The following CAST variants were observed in gnomAD, a reference collection of about 807,000 sequenced individuals.
The protein encoded by CAST is MIR583 host.
In CAST, 76 loss-of-function variants were observed where a neutral mutation model predicts 119.6. The ratio of observed to expected loss-of-function variants is 0.64; its 90% CI spans 0.53 to 0.77. The LOEUF (loss-of-function observed/expected upper bound fraction) is 0.77. CAST is among the 30% of genes least tolerant of loss of function. The pLI is 0.00. For missense variants in CAST, 953 were observed against 946.5 expected, an observed-to-expected ratio of 1.01 and a Z score of -0.09; for synonymous variants, 319 against 331.6, an observed-to-expected ratio of 0.96 and a Z score of 0.41.
the CAST span, among the ~76,000 whole-genome samples, chr5:96,097,288 C>T: frequency 6.7e-6 from 1 of 150,272 alleles, no homozygotes; most frequent in Admixed American, 6.6e-5. Flanking sequence ...GAGCCACACC[C>T]AGTTCTTAAT....
chr5:96,341,291 G>T, the CAST span, among the ~76,000 whole-genome samples: 2 of 151,824 alleles, frequency 1.3e-5, no homozygotes. Context: ...TAGAAATCTT[G>T]ATCACAATCT....
chr5:96,108,797 G>C, the CAST span, among the ~76,000 whole-genome samples: 1 of 152,246 alleles, frequency 6.6e-6, no homozygotes, highest in Admixed American at 6.5e-5. Flanking sequence ...GCAAGCCTGG[G>C]CAATGGCAGG....
intron 2 of CAST, among the ~76,000 whole-genome samples, chr5:96,688,818 A>G (rs1384650990): frequency 6.6e-6 from 1 of 152,324 alleles, no homozygotes; most frequent in East Asian, 1.9e-4. Context: ...CATAGATAAT[A>G]AAAGAGTAAG....
the CAST span, among the ~76,000 whole-genome samples, chr5:96,197,676 T>G: frequency 6.6e-6 from 1 of 152,210 alleles, no homozygotes; most frequent in Non-Finnish European, 1.5e-5. Flanking sequence ...AACTGAGGCA[T>G]GTCCTATTGC....
chr5:96,491,739 C>A, the CAST span, among the ~76,000 whole-genome samples: 1 of 151,860 alleles, frequency 6.6e-6, no homozygotes, highest in African/African-American at 2.4e-5. Context: ...GTAATAACCC[C>A]AAATTAAAAA....
the CAST span, among the ~76,000 whole-genome samples, chr5:96,035,835 G>A: frequency 2.2e-4 from 33 of 151,834 alleles, no homozygotes; most frequent in East Asian, 3.3e-3. Flanking sequence ...AATTCATTCC[G>A]TGTAACTAGT....
the CAST span, among the ~76,000 whole-genome samples, chr5:96,469,581 AC>A: frequency 6.6e-6 from 1 of 151,976 alleles, no homozygotes; most frequent in African/African-American, 2.4e-5. Flanking sequence ...TCAATTACAA[AC>A]TGACATGAGA....
chr5:96,713,474 T>C (rs1247843993), intron 3 of CAST, among the ~76,000 whole-genome samples: 3 of 152,040 alleles, frequency 2.0e-5, no homozygotes, highest in Non-Finnish European at 4.4e-5. Flanking sequence ...TCAATAACCA[T>C]ATATGCTTTA....
At chr5:96,172,316 C>A in the CAST span, among the ~76,000 whole-genome samples, 1 of 152,156 alleles carries the variant, frequency 6.6e-6, no homozygotes, top group Non-Finnish European at 1.5e-5. Flanking sequence ...CAGGAACAGG[C>A]CATTTTCACT....
chr5:96,594,002 T>C (rs1346111321), intron 1 of CAST, among the ~76,000 whole-genome samples: 1 of 152,236 alleles, frequency 6.6e-6, no homozygotes. Context: ...ATGCCAAAGA[T>C]CACAGAATTC....
chr5:96,731,007 TAGAG>T (rs1364377443), intron 9 of CAST, 147 bp downstream of exon 9: 3 of 637,728 alleles, frequency 4.7e-6, no homozygotes, highest in Non-Finnish European at 5.6e-6. Flanking sequence ...ATTTAAGGGA[TAGAG>T]AGTGAACAAG....
At chr5:96,601,862 C>A (rs1031722361) in intron 1 of CAST, among the ~76,000 whole-genome samples, 9 of 152,238 alleles carry the variant, frequency 5.9e-5, no homozygotes, top group Non-Finnish European at 1.3e-4. Flanking sequence ...TGATAAGCAC[C>A]GTAATGCTAA....
chr5:96,414,924 C>G, the CAST span, among the ~76,000 whole-genome samples: 1 of 151,982 alleles, frequency 6.6e-6, no homozygotes. Context: ...TTACATGTCA[C>G]GATGTATATT....
At chr5:96,560,526 C>T (rs957598582) in intron 1 of CAST, among the ~76,000 whole-genome samples, 1 of 152,190 alleles carries the variant, frequency 6.6e-6, no homozygotes, top group Admixed American at 6.5e-5. Context: ...ACAACCCCAT[C>T]AAAAAGTGGG....
At chr5:96,019,445 G>T in the CAST span, among the ~76,000 whole-genome samples, 1 of 152,226 alleles carries the variant, frequency 6.6e-6, no homozygotes, top group South Asian at 2.1e-4. Context: ...GACTTGCTCT[G>T]GGGGAGCAAG....
chr5:96,620,967 C>A (rs1307935744), intron 1 of CAST, among the ~76,000 whole-genome samples: 1 of 152,184 alleles, frequency 6.6e-6, no homozygotes, highest in East Asian at 1.9e-4. Flanking sequence ...TAAATTAGTA[C>A]CCTTGTTTTG....
chr5:96,247,815 A>G, the CAST span: 1 of 152,240 alleles, frequency 6.6e-6, no homozygotes, highest in Non-Finnish European at 1.5e-5. Context: ...GTTATCTTAT[A>G]GAAGCAAAGG....
the CAST span, among the ~76,000 whole-genome samples, chr5:96,466,154 AG>A: frequency 6.6e-6 from 1 of 152,120 alleles, no homozygotes; most frequent in Non-Finnish European, 1.5e-5. Flanking sequence ...CACTAACTAG[AG>A]TACTATCTGT....
the CAST span, among the ~76,000 whole-genome samples, chr5:96,496,886 T>C: frequency 3.9e-5 from 6 of 152,018 alleles, no homozygotes; most frequent in East Asian, 1.2e-3. Flanking sequence ...ATACTTGAAG[T>C]TTTAGAGTAC....
Sources: gnomAD v4.1 joint callset for allele counts (sites outside exome capture counted in the v4.1 genomes callset) on GRCh38, gnomAD v4.1.1 for gene constraint, MANE v1.5 for transcripts, NCBI Gene and HGNC (gene_info 2026-07-23, HGNC 2026-07-21) for gene names.